Variants in EFCAB3 observed in about 807,000 individuals in gnomAD.
The protein encoded by EFCAB3 is EF-hand calcium binding domain 3.
EFCAB3 carries 36 observed loss-of-function variants against 42.2 expected under a neutral mutation model. The observed-to-expected ratio is 0.85, with a 90% confidence interval of 0.65 to 1.13. EFCAB3 has a LOEUF of 1.13. Among genes scored for constraint, EFCAB3 ranks in the 50% most tolerant of loss-of-function variants. EFCAB3 has a pLI of 0.00. For synonymous variants in EFCAB3, 170 were observed against 172.8 expected (o/e 0.98, Z 0.13); for missense variants, 418 against 505.1 (o/e 0.83, Z 1.65).
intron 1 of EFCAB3, among the ~76,000 whole-genome samples, chr17:62,372,981 T>G (rs1159479568): frequency 1.1e-4 from 16 of 152,194 alleles, no homozygotes; most frequent in Admixed American, 1.0e-3. Flanking sequence ...TGAACTGCTT[T>G]TTAAAAAGCA....
At chr17:62,400,222 C>CTT (rs34202643) in intron 6 of EFCAB3, among the ~76,000 whole-genome samples, 44 of 151,938 alleles carry the variant, frequency 2.9e-4, no homozygotes, top group East Asian at 1.9e-4. Context: ...ACACATACTT[C>CTT]TTTTTTTTCT....
upstream of EFCAB3, among the ~76,000 whole-genome samples, chr17:62,379,930 T>A (rs1422156623): frequency 6.6e-6 from 1 of 152,244 alleles, no homozygotes; most frequent in Non-Finnish European, 1.5e-5. Flanking sequence ...ATGAAATGAT[T>A]CTTAATCACC....
intron 1 of EFCAB3, among the ~76,000 whole-genome samples, chr17:62,372,094 G>A (rs1320182214): frequency 6.6e-6 from 1 of 152,194 alleles, no homozygotes; most frequent in Non-Finnish European, 1.5e-5. Context: ...TCTCTACGAA[G>A]CCCAACTGAA....
At chr17:62,370,263 A>G in exon 1 of EFCAB3, 1 of 1,551,594 alleles carries the variant, frequency 6.4e-7, no homozygotes, top group Non-Finnish European at 8.7e-7. Flanking sequence ...CTAGCAAGCG[A>G]AGGGATTGAG....
intron 6 of EFCAB3, among the ~76,000 whole-genome samples, chr17:62,405,205 C>T (rs758115923): frequency 6.6e-5 from 10 of 152,178 alleles, no homozygotes; most frequent in Non-Finnish European, 1.2e-4. Flanking sequence ...TACATTATGC[C>T]ATTTTCACAG....
At chr17:62,392,598 G>T (rs1303201508) in intron 4 of EFCAB3, among the ~76,000 whole-genome samples, 1 of 151,836 alleles carries the variant, frequency 6.6e-6, no homozygotes, top group African/African-American at 2.4e-5. Flanking sequence ...AATTTTAAAT[G>T]CCACAGCACT....
intron 6 of EFCAB3, among the ~76,000 whole-genome samples, chr17:62,399,784 C>T (rs150557885): frequency 2.1e-3 from 324 of 152,300 alleles, no homozygotes; most frequent in African/African-American, 7.1e-3. Flanking sequence ...CCTGTCCCCA[C>T]TTCTCTGCTT....
chr17:62,373,909 T>A (rs1233530916), intron 2 of EFCAB3: 1 of 1,004,672 alleles, frequency 1.0e-6, no homozygotes, highest in South Asian at 1.6e-5. Context: ...TATAATCTGA[T>A]GCTATATGTG....
At chr17:62,399,635 C>T (rs968292545) in intron 6 of EFCAB3, among the ~76,000 whole-genome samples, 2 of 152,102 alleles carry the variant, frequency 1.3e-5, no homozygotes, top group African/African-American at 2.4e-5. Flanking sequence ...TTGCTTTTCC[C>T]TCTATCTGGA....
At chr17:62,386,145 T>C (rs1367073329) in intron 2 of EFCAB3, among the ~76,000 whole-genome samples, 2 of 152,148 alleles carry the variant, frequency 1.3e-5, no homozygotes, top group Non-Finnish European at 2.9e-5. Flanking sequence ...TTTATAAAAT[T>C]GGTTATAATT....
chr17:62,409,857 T>C (rs2070479966), intron 8 of EFCAB3, among the ~76,000 whole-genome samples: 5 of 152,102 alleles, frequency 3.3e-5, no homozygotes, highest in Admixed American at 3.3e-4. Context: ...TATAGTTATA[T>C]ACATATGTAG....
intron 3 of EFCAB3, among the ~76,000 whole-genome samples, chr17:62,387,690 A>C (rs1021594904): frequency 3.9e-5 from 6 of 152,226 alleles, no homozygotes; most frequent in Admixed American, 2.0e-4. Context: ...AAAATAACAA[A>C]AGAACAAATA....
chr17:62,379,143 C>G (rs1395068090), upstream of EFCAB3, among the ~76,000 whole-genome samples: 2 of 152,062 alleles, frequency 1.3e-5, no homozygotes, highest in Non-Finnish European at 2.9e-5. Flanking sequence ...AACAATAAGG[C>G]TGGGCATGGT....
At chr17:62,387,517 C>A in intron 3 of EFCAB3, 101 bp downstream of exon 3, 1 of 975,010 alleles carries the variant, frequency 1.0e-6, no homozygotes, top group South Asian at 1.6e-5. Flanking sequence ...TTGTCTACAC[C>A]ACCATCATTT....
chr17:62,387,111 G>T (rs542197935), intron 2 of EFCAB3, among the ~76,000 whole-genome samples: 1 of 152,212 alleles, frequency 6.6e-6, no homozygotes, highest in South Asian at 2.1e-4. Flanking sequence ...AATTTTTTAA[G>T]GGAAGGGTGA....
chr17:62,383,799 A>C (rs1412137131), intron 2 of EFCAB3, among the ~76,000 whole-genome samples: 1 of 152,104 alleles, frequency 6.6e-6, no homozygotes, highest in African/African-American at 2.4e-5. Flanking sequence ...AGAAGACCTA[A>C]ACCCATAACC....
chr17:62,373,502 T>C (rs926588455), intron 1 of EFCAB3, among the ~76,000 whole-genome samples: 73 of 151,720 alleles, frequency 4.8e-4, no homozygotes, highest in African/African-American at 1.7e-3. Context: ...ACACCTGCAG[T>C]CCCAGCTGCT....
At chr17:62,401,758 T>C (rs2070405199) in intron 6 of EFCAB3, among the ~76,000 whole-genome samples, 1 of 152,204 alleles carries the variant, frequency 6.6e-6, no homozygotes, top group African/African-American at 2.4e-5. Flanking sequence ...CTTAGGATTG[T>C]CATGGCAATG....
chr17:62,382,463 C>A (rs886786366), intron 1 of EFCAB3, among the ~76,000 whole-genome samples: 3 of 152,088 alleles, frequency 2.0e-5, no homozygotes, highest in Non-Finnish European at 4.4e-5. Flanking sequence ...AGGATCTAAT[C>A]TCTTAGCAAA....
Sources: gnomAD v4.1 joint callset for allele counts (sites outside exome capture counted in the v4.1 genomes callset) on GRCh38, gnomAD v4.1.1 for gene constraint, MANE v1.5 for transcripts, NCBI Gene and HGNC (gene_info 2026-07-23, HGNC 2026-07-21) for gene names.